The following CERS3 variants were observed in gnomAD, a reference collection of about 807,000 sequenced individuals.
CERS3 encodes the protein ceramide synthase 3, also known as LAG1 homolog, ceramide synthase 3.
In CERS3, 33 loss-of-function variants were observed where a neutral mutation model predicts 50.3. The ratio of observed to expected loss-of-function variants is 0.66; its 90% CI spans 0.50 to 0.88. The LOEUF (loss-of-function observed/expected upper bound fraction) is 0.88, where lower values mean the gene tolerates loss of function less well. CERS3 is among the 40% of genes least tolerant of loss of function. The probability of loss-of-function intolerance (pLI) is 0.00; values close to 1 mark genes in which losing one functional copy is unlikely to be tolerated. For synonymous variants in CERS3, 176 were observed against 155.2 expected (o/e 1.13, Z -0.99); for missense variants, 470 against 460.3 (o/e 1.02, Z -0.19).
intron 5 of CERS3, 83 bp downstream of exon 5, chr15:100,484,466 TG>T: frequency 1.1e-6 from 1 of 950,470 alleles, no homozygotes; most frequent in Non-Finnish European, 1.7e-6. Flanking sequence ...CTCCCTCTGC[TG>T]CTCCGGCAGT....
intron 2 of CERS3, among the ~76,000 whole-genome samples, chr15:100,509,359 G>C (rs1352228776): frequency 2.6e-5 from 4 of 152,142 alleles, no homozygotes; most frequent in African/African-American, 9.7e-5. Flanking sequence ...CCAAGCTGAG[G>C]CTTTGGACAA....
intron 10 of CERS3, among the ~76,000 whole-genome samples, chr15:100,465,786 G>T (rs2142222540): frequency 6.6e-6 from 1 of 152,036 alleles, no homozygotes; most frequent in East Asian, 1.9e-4. Flanking sequence ...AGCCTCCCGA[G>T]TAGCTGGGAT....
At chr15:100,459,518 C>T (rs1317210066) in intron 10 of CERS3, among the ~76,000 whole-genome samples, 1 of 152,136 alleles carries the variant, frequency 6.6e-6, no homozygotes, top group Non-Finnish European at 1.5e-5. Context: ...ACAGGCTGAT[C>T]TCGAACTTCT....
At chr15:100,512,843 T>C (rs1315164257) in intron 2 of CERS3, among the ~76,000 whole-genome samples, 17 of 152,074 alleles carry the variant, frequency 1.1e-4, no homozygotes, top group Admixed American at 1.1e-3. Context: ...ACACTGTTGG[T>C]AGAGTTTGCT....
intron 7 of CERS3, 116 bp downstream of exon 7, chr15:100,479,312 C>T: frequency 5.9e-6 from 4 of 679,098 alleles, no homozygotes; most frequent in South Asian, 4.5e-5. Flanking sequence ...AGAAAAAGTG[C>T]CAGGGATGAC....
At chr15:100,496,652 T>G (rs1193374703) in intron 3 of CERS3, among the ~76,000 whole-genome samples, 2 of 152,190 alleles carry the variant, frequency 1.3e-5, no homozygotes, top group East Asian at 3.8e-4. Context: ...TGGATGAACT[T>G]TATTGTATGT....
Position 100,402,437 on chromosome 15 carries a change from T to G in CERS3, c.*276A>C. 3 of 397,582 alleles carry G rather than the reference T, an allele frequency of 7.5e-6. No homozygotes were observed. Among genetic ancestry groups the G allele is most frequent in the Non-Finnish European group, 1.4e-5 (3 of 220,904 alleles). The allele number at this position is 397,582 out of a possible 1,614,324, so 24.6% of individuals were successfully genotyped here. A position where few individuals can be genotyped will look rare whatever the true frequency, so the allele number is the denominator to read the frequency against. ...CGAGCCCCTGAGAAAGTGACATGCATGAGGGAGTGCAATTAGAACTGAGAC... is the reference window on the plus strand; with the variant it reads ...CGAGCCCCTGAGAAAGTGACATGCAGGAGGGAGTGCAATTAGAACTGAGAC... On this transcript the variant is annotated 3_prime_UTR_variant, in exon 12 of 12. Coordinates refer to ENST00000679737, the MANE Select transcript of CERS3 (RefSeq NM_001378789.1).
intron 3 of CERS3, among the ~76,000 whole-genome samples, chr15:100,500,955 A>G (rs1463309305): frequency 1.3e-5 from 2 of 152,238 alleles, no homozygotes; most frequent in Admixed American, 6.5e-5. Context: ...CTTTGCTCCA[A>G]ATAAATTAAT....
rs1342449564 is a variant in CERS3 at position 100,479,622 on chromosome 15, C to A, written c.466-144G>T. On this transcript the variant is annotated intron_variant, in intron 6 of 11. Coordinates refer to ENST00000679737, the MANE Select transcript of CERS3 (RefSeq NM_001378789.1). ...ACAGGAAATTGACCTTTGCCATATT[C>A]TTTTGCTTCTATTGCACGTATTTCT... 7 of 621,506 alleles carry A rather than the reference C, an allele frequency of 1.1e-5. No homozygotes were observed. In the Admixed American group the frequency reaches 2.2e-4, roughly 19 times the overall value. The allele number at this position is 621,506 out of a possible 1,614,324, so 38.5% of individuals were successfully genotyped here.
chr15:100,516,425 T>G (rs1453241202), intron 2 of CERS3, among the ~76,000 whole-genome samples: 3 of 152,156 alleles, frequency 2.0e-5, no homozygotes, highest in Non-Finnish European at 4.4e-5. Flanking sequence ...ACTGGCCTGT[T>G]AAATGGGGTT....
At chr15:100,525,503 C>G (rs2036759870) in intron 1 of CERS3, among the ~76,000 whole-genome samples, 1 of 152,196 alleles carries the variant, frequency 6.6e-6, no homozygotes, top group Non-Finnish European at 1.5e-5. Context: ...AATGGAAATT[C>G]TCAGCCTTGA....
chr15:100,415,804 AGGG>A (rs2031855575), intron 11 of CERS3, among the ~76,000 whole-genome samples: 2 of 28,582 alleles, frequency 7.0e-5, no homozygotes, highest in Non-Finnish European at 1.8e-4. Context: ...GCAGGGAGTG[AGGG>A]AGGGGAGGGA....
In CERS3 at chr15:100,457,981, A is replaced by G. The variant is rs190901413; in HGVS notation, c.846-1935T>C. Among the ~76,000 whole-genome samples, 544 of 151,428 alleles carry G rather than the reference A, an allele frequency of 3.6e-3. 5 individuals are homozygous for G. The highest frequency in any genetic ancestry group is 5.5e-3 in the Non-Finnish European group (372 of 67,832). On this transcript the variant is annotated intron_variant, in intron 10 of 11. Coordinates refer to ENST00000679737, the MANE Select transcript of CERS3 (RefSeq NM_001378789.1). ...ACTGAAATTATTTCTATGAAACTAT[A>G]TATTTCTAAACGTGAGATTACTGTT...
chr15:100,415,858 G>C (rs961990339), intron 11 of CERS3, among the ~76,000 whole-genome samples: 1 of 152,056 alleles, frequency 6.6e-6, no homozygotes, highest in Non-Finnish European at 1.5e-5. Flanking sequence ...GCTTAAAACT[G>C]AGATAATGGG....
At chr15:100,414,819 T>TAAAAAAAAAAA (rs143114640) in intron 11 of CERS3, among the ~76,000 whole-genome samples, 1 of 141,204 alleles carries the variant, frequency 7.1e-6, no homozygotes, top group African/African-American at 2.6e-5. Context: ...CCAAAATGAT[T>TAAAAAAAAAAA]AAAAAAAAAA....
intron 11 of CERS3, among the ~76,000 whole-genome samples, chr15:100,403,284 G>T (rs1350283820): frequency 6.6e-6 from 1 of 151,922 alleles, no homozygotes; most frequent in Non-Finnish European, 1.5e-5. Flanking sequence ...GAAATACATA[G>T]CTTTACATGT....
intron 3 of CERS3, chr15:100,500,414 G>A (rs957779763): frequency 6.6e-6 from 1 of 152,360 alleles, no homozygotes; most frequent in East Asian, 1.9e-4. Flanking sequence ...GTCCTCCACA[G>A]CTGTGCTTCT....
Position 100,537,706 on chromosome 15 carries a change from A to G in CERS3, c.-355+6945T>C, listed in dbSNP as rs142649547. Reference sequence around the variant, plus strand: ...TGGACATGTGAGGATTATGGAAATTACAATTCAAGATGAGATTTGGGTGGG... The same window carrying G: ...TGGACATGTGAGGATTATGGAAATTGCAATTCAAGATGAGATTTGGGTGGG... On this transcript the variant is annotated intron_variant, in intron 1 of 12. Transcript: ENST00000284382. 7.9e-4 allele frequency among the ~76,000 whole-genome samples: 120 copies of G among 152,376 alleles called. 2 individuals are homozygous for G. The East Asian group carries it at 0.023, about 29-fold the overall frequency.
chr15:100,424,384 C>G (rs540553817), intron 11 of CERS3, among the ~76,000 whole-genome samples: 14 of 152,116 alleles, frequency 9.2e-5, no homozygotes, highest in Non-Finnish European at 1.9e-4. Flanking sequence ...TTAAAGGGCT[C>G]AGAAGATGAC....
Sources: allele counts gnomAD v4.1 joint callset (sites outside exome capture counted in the v4.1 genomes callset), GRCh38; gene constraint gnomAD v4.1.1; transcripts MANE v1.5; gene names NCBI Gene and HGNC (gene_info 2026-07-23, HGNC 2026-07-21).